The following CDYL2 variants were observed in gnomAD, a reference collection of about 807,000 sequenced individuals.
CDYL2 encodes the protein chromodomain Y like 2.
A neutral mutation model predicts 49.4 loss-of-function variants in CDYL2; 23 were observed. The ratio of observed to expected loss-of-function variants is 0.47; its 90% CI spans 0.34 to 0.66. The LOEUF (loss-of-function observed/expected upper bound fraction) is 0.66, where lower values mean the gene tolerates loss of function less well. Among genes scored for constraint, CDYL2 ranks in the 30% least tolerant of loss-of-function variants. The pLI, the probability that CDYL2 is intolerant of heterozygous loss-of-function variation, is 0.01. For missense variants in CDYL2, 678 were observed against 656.4 expected, an observed-to-expected ratio of 1.03 and a Z score of -0.36; for synonymous variants, 360 against 268.8, an observed-to-expected ratio of 1.34 and a Z score of -3.32.
chr16:80,777,475 C>T (rs1210064390), intron 1 of CDYL2, among the ~76,000 whole-genome samples: 1 of 151,416 alleles, frequency 6.6e-6, no homozygotes, highest in African/African-American at 2.4e-5. Flanking sequence ...AAGCTTCTGG[C>T]AACACAAAAA....
At chr16:80,797,220 G>A (rs79349454) in intron 1 of CDYL2, among the ~76,000 whole-genome samples, 4,538 of 152,196 alleles carry the variant, frequency 0.03, 103 homozygotes, top group East Asian at 0.074. Flanking sequence ...TGCTGTGGAC[G>A]TCTGTACCTG....
At chr16:80,660,444 T>C (rs547015435) in intron 2 of CDYL2, among the ~76,000 whole-genome samples, 1 of 152,154 alleles carries the variant, frequency 6.6e-6, no homozygotes, top group Middle Eastern at 3.4e-3. Flanking sequence ...GTATGTGTGC[T>C]GAAGTTTAAA....
At chr16:80,690,777 C>T (rs1430692104) in intron 1 of CDYL2, among the ~76,000 whole-genome samples, 1 of 152,188 alleles carries the variant, frequency 6.6e-6, no homozygotes, top group Non-Finnish European at 1.5e-5. Context: ...GCGCTGGCCT[C>T]TCCTAGAGCC....
chr16:80,622,901 G>T (rs897741369), intron 3 of CDYL2, among the ~76,000 whole-genome samples: 1 of 152,114 alleles, frequency 6.6e-6, no homozygotes, highest in Non-Finnish European at 1.5e-5. Flanking sequence ...CAGAGCACTT[G>T]CCCATGAGTA....
chr16:80,667,959 C>A (rs950744336), intron 2 of CDYL2, among the ~76,000 whole-genome samples: 1 of 152,194 alleles, frequency 6.6e-6, no homozygotes, highest in African/African-American at 2.4e-5. Context: ...GGATGGCACC[C>A]GGGCAATGCC....
intron 1 of CDYL2, among the ~76,000 whole-genome samples, chr16:80,720,962 C>A (rs1423398799): frequency 1.3e-5 from 2 of 152,152 alleles, no homozygotes; most frequent in Non-Finnish European, 2.9e-5. Context: ...GAACCCATAT[C>A]ATTTCATTAT....
chr16:80,776,205 C>A (rs758002452), intron 1 of CDYL2, among the ~76,000 whole-genome samples: 6 of 152,076 alleles, frequency 3.9e-5, no homozygotes, highest in Non-Finnish European at 5.9e-5. Context: ...TCTGCAGTTT[C>A]TCTGTCAATT....
intron 1 of CDYL2, among the ~76,000 whole-genome samples, chr16:80,737,905 C>T (rs1238001341): frequency 6.6e-6 from 1 of 152,112 alleles, no homozygotes; most frequent in Non-Finnish European, 1.5e-5. Flanking sequence ...TTCTGGGTTA[C>T]ATGTGCAGAA....
chr16:80,677,213 C>G (rs1567566996), intron 2 of CDYL2, among the ~76,000 whole-genome samples: 1 of 151,628 alleles, frequency 6.6e-6, no homozygotes, highest in Admixed American at 6.6e-5. Flanking sequence ...CTCAAGCTAT[C>G]CACTGCCTCA....
chr16:80,760,004 C>CATTA (rs1360679113), intron 1 of CDYL2, among the ~76,000 whole-genome samples: 1 of 152,204 alleles, frequency 6.6e-6, no homozygotes, highest in Non-Finnish European at 1.5e-5. Flanking sequence ...CCTTTTCAGA[C>CATTA]ATTAGTACCC....
intron 1 of CDYL2, among the ~76,000 whole-genome samples, chr16:80,754,728 T>C (rs931922606): frequency 2.0e-5 from 3 of 152,218 alleles, no homozygotes; most frequent in Admixed American, 6.5e-5. Context: ...ACACCTGGCA[T>C]AGAGCATGAG....
intron 1 of CDYL2, among the ~76,000 whole-genome samples, chr16:80,793,650 C>G (rs938861967): frequency 6.6e-6 from 1 of 152,202 alleles, no homozygotes; most frequent in Admixed American, 6.5e-5. Context: ...GGTCCCTGCC[C>G]TCACCGAGCT....
chr16:80,761,634 A>T (rs1037442549), intron 1 of CDYL2, among the ~76,000 whole-genome samples: 1 of 152,188 alleles, frequency 6.6e-6, no homozygotes, highest in African/African-American at 2.4e-5. Flanking sequence ...GAGAGAGGCC[A>T]GGAAGACCAG....
intron 1 of CDYL2, among the ~76,000 whole-genome samples, chr16:80,726,994 G>A (rs1038333913): frequency 1.3e-5 from 2 of 152,198 alleles, no homozygotes; most frequent in African/African-American, 2.4e-5. Context: ...ACTGATGTGG[G>A]AGGATTGCTG....
chr16:80,794,387 T>A (rs1907704434), intron 1 of CDYL2, among the ~76,000 whole-genome samples: 1 of 152,132 alleles, frequency 6.6e-6, no homozygotes, highest in Non-Finnish European at 1.5e-5. Context: ...CTAAGAACAC[T>A]GAAGAACCAC....
At chr16:80,703,859 C>T (rs7186593) in intron 1 of CDYL2, among the ~76,000 whole-genome samples, 9,189 of 152,220 alleles carry the variant, frequency 0.06, 412 homozygotes, top group African/African-American at 0.13. Flanking sequence ...TGCGGAGCCA[C>T]GTTAGCATCA....
At chr16:80,782,046 T>G (rs1278933762) in intron 1 of CDYL2, among the ~76,000 whole-genome samples, 2 of 151,646 alleles carry the variant, frequency 1.3e-5, no homozygotes, top group Admixed American at 1.3e-4. Context: ...TAATAAAGAT[T>G]AGCATAAAGT....
intron 1 of CDYL2, among the ~76,000 whole-genome samples, chr16:80,759,150 A>AT (rs1211358459): frequency 0.025 from 2,006 of 80,624 alleles, 50 homozygotes; most frequent in East Asian, 0.063. Context: ...GGTTTATATA[A>AT]ATATATGGTT....
In CDYL2 at chr16:80,659,747, A is replaced by G. The variant is rs145412204; in HGVS notation, c.616+24791T>C. Among the ~76,000 whole-genome samples the G allele has an allele frequency of 1.3e-3, 204 of 152,222 alleles. 1 individual carries two copies. The highest frequency in any genetic ancestry group is 4.7e-3 in the African/African-American group (196 of 41,570). Reference sequence around the variant, plus strand: ...GAAATTATTTCAAAATAAAAAGTTAAATATATTTTAAACATAAATATCCTG... The same window carrying G: ...GAAATTATTTCAAAATAAAAAGTTAGATATATTTTAAACATAAATATCCTG... On this transcript the variant is annotated intron_variant, in intron 2 of 6. Transcript: ENST00000570137.
Sources: gnomAD v4.1 joint callset for allele counts (sites outside exome capture counted in the v4.1 genomes callset) on GRCh38, gnomAD v4.1.1 for gene constraint, MANE v1.5 for transcripts, NCBI Gene and HGNC (gene_info 2026-07-23, HGNC 2026-07-21) for gene names.